OR11A1: variants seen among roughly 807,000 people sequenced by gnomAD.
OR11A1 encodes olfactory receptor family 11 subfamily A member 1, also known as olfactory receptor 11A1.
For missense variants in OR11A1, 380 were observed against 378.2 expected, an observed-to-expected ratio of 1.00 and a Z score of -0.04; for synonymous variants, 158 against 152.2, an observed-to-expected ratio of 1.04 and a Z score of -0.28.
rs146223789 is a variant in OR11A1 at position 29,437,838 on chromosome 6, A to T, written c.-388-5851T>A. On this transcript the variant is annotated intron_variant, in intron 1 of 4. Coordinates refer to ENST00000377149, the MANE Select transcript of OR11A1 (RefSeq NM_001394828.1). ...TCATCTTCAGCCATAACAGGGCTAC[A>T]CTCTGGGAGTAGATGACTGATGAGC... is the stretch of plus-strand genomic sequence containing the variant. Among the ~76,000 whole-genome samples, 746 of 152,356 alleles carry T rather than the reference A, an allele frequency of 4.9e-3. 21 individuals carry two copies. The highest frequency in any genetic ancestry group is 0.043 in the Admixed American group (659 of 15,306).
At chr6:29,456,880 T>C (rs1786394574) in intron 1 of OR11A1, 107 bp downstream of exon 1, 1 of 152,234 alleles carries the variant, frequency 6.6e-6, no homozygotes, top group Non-Finnish European at 1.5e-5. Context: ...AAACTTTTTG[T>C]GAATACATAG....
intron 1 of OR11A1, among the ~76,000 whole-genome samples, chr6:29,452,383 T>C (rs1785515976): frequency 1.3e-5 from 2 of 152,022 alleles, no homozygotes; most frequent in African/African-American, 4.8e-5. Flanking sequence ...ACAAAAAAAT[T>C]GTTCAAAAAA....
chr6:29,445,083 T>C (rs1784600337), intron 1 of OR11A1, among the ~76,000 whole-genome samples: 1 of 152,232 alleles, frequency 6.6e-6, no homozygotes, highest in Non-Finnish European at 1.5e-5. Flanking sequence ...CTTGGCTCAC[T>C]GCAACCTCTG....
At chr6:29,429,691 TGAG>T (rs1783112609) in intron 3 of OR11A1, among the ~76,000 whole-genome samples, 1 of 151,896 alleles carries the variant, frequency 6.6e-6, no homozygotes. Context: ...ACATTGGATG[TGAG>T]GAGGAGAAAG....
chr6:29,432,010 T>A (rs1173227361), intron 1 of OR11A1, 23 bp from the exon 2 acceptor site: 1 of 985,200 alleles, frequency 1.0e-6, no homozygotes, highest in Non-Finnish European at 1.2e-6. Context: ...AGAACATTGA[T>A]TACAAATGTC....
chr6:29,442,324 A>G (rs929762642), intron 1 of OR11A1, among the ~76,000 whole-genome samples: 1 of 152,222 alleles, frequency 6.6e-6, no homozygotes, highest in African/African-American at 2.4e-5. Context: ...GATATGCAGG[A>G]GAGTCAGTGA....
Position 29,436,067 on chromosome 6 carries a change from GC to G in OR11A1, c.-388-4081del, listed in dbSNP as rs1359185978. Among the ~76,000 whole-genome samples, 32 of 152,118 alleles carry G rather than the reference GC, an allele frequency of 2.1e-4. 1 individual carries two copies. Among genetic ancestry groups the G allele is most frequent in the Admixed American group, 2.0e-3 (31 of 15,266 alleles). ...GGATTCAGTATTTGCAAAGTCACCT[GC>G]TCCCTAACATCTATTTTTAACCCCT... On this transcript the variant is annotated intron_variant, in intron 1 of 4. Transcript: ENST00000377149.
intron 1 of OR11A1, chr6:29,439,171 A>C (rs1783886594): frequency 6.6e-6 from 1 of 152,248 alleles, no homozygotes; most frequent in South Asian, 2.1e-4. Context: ...GCATCTGGGA[A>C]TATTAGGCTA....
At chr6:29,440,858 C>A (rs745986170) in intron 1 of OR11A1, 1 of 1,613,834 alleles carries the variant, frequency 6.2e-7, no homozygotes, top group Admixed American at 1.7e-5. Flanking sequence ...CTGTGGTCAC[C>A]CCCATCCTCA....
At position 29,426,513 on chromosome 6, in the gene OR11A1, A is replaced by G; in HGVS notation, c.*181T>C. 1 of 571,718 alleles carries G rather than the reference A, an allele frequency of 1.7e-6. No homozygotes were observed. Among genetic ancestry groups the G allele is most frequent in the Non-Finnish European group, 3.1e-6 (1 of 324,068 alleles). The allele number at this position is 571,718 out of a possible 1,614,324, so 35.4% of individuals were successfully genotyped here. ...ACCTATGTAACAAACCTGCACATGT[A>G]CCCTTGAACTTAAAATAAAAGTTAA... On this transcript the variant is annotated 3_prime_UTR_variant, in exon 5 of 5. Coordinates refer to ENST00000377149, the MANE Select transcript of OR11A1 (RefSeq NM_001394828.1).
chr6:29,444,492 T>A (rs759611262), intron 1 of OR11A1, among the ~76,000 whole-genome samples: 5 of 152,188 alleles, frequency 3.3e-5, no homozygotes, highest in Non-Finnish European at 5.9e-5. Context: ...TTCAATTTCA[T>A]CATCAATAAA....
chr6:29,440,382 G>A (rs1784038206), intron 1 of OR11A1: 2 of 1,613,994 alleles, frequency 1.2e-6, no homozygotes, highest in Admixed American at 1.7e-5. Context: ...TGACCGCTAT[G>A]CAGCCATCTG....
At position 29,431,895 on chromosome 6, in the gene OR11A1, G is replaced by A. The variant is rs1294028307; in HGVS notation, c.-296C>T. On this transcript the variant is annotated 5_prime_UTR_variant, in exon 2 of 5. Coordinates refer to ENST00000377149, the MANE Select transcript of OR11A1 (RefSeq NM_001394828.1). ...TATCGACCCTGTTCTCTAAAGACAG[G>A]ACTGTGAGGAGGAGATGATCTGCTA... The A allele has an allele frequency of 1.0e-6, 1 of 985,190 alleles. No homozygotes were observed. Among genetic ancestry groups the A allele is most frequent in the African/African-American group, 1.7e-5 (1 of 57,196 alleles). The allele number at this position is 985,190 out of a possible 1,614,324, so 61.0% of individuals were successfully genotyped here. A position where few individuals can be genotyped will look rare whatever the true frequency, so the allele number is the denominator to read the frequency against.
At position 29,426,709 on chromosome 6, in the gene OR11A1, A is replaced by G; in HGVS notation, c.933T>C (p.Thr311=). 1 of 1,609,332 alleles carries G rather than the reference A, an allele frequency of 6.2e-7. No individual in the cohort carries two copies. Among genetic ancestry groups the G allele is most frequent in the Non-Finnish European group, 8.5e-7 (1 of 1,177,770 alleles). Residue 311 remains threonine, a synonymous_variant, in exon 5 of 5, where the codon ACT becomes ACC. Coordinates refer to ENST00000377149, the MANE Select transcript of OR11A1 (RefSeq NM_001394828.1). ...TTACTCTCCTTCAATCAAGTGTTTC[A>G]GTTTGTTTGATACAGAGAATCTTCC... is the stretch of plus-strand genomic sequence containing the variant. The part of the protein sequence containing the change: ...ALRKILCIKQ[T]ETLD
At chr6:29,440,979 G>A (rs1784139386) in intron 1 of OR11A1, 1 of 1,457,662 alleles carries the variant, frequency 6.9e-7, no homozygotes, top group Admixed American at 1.7e-5. Flanking sequence ...TGACTTCTGT[G>A]CAGTGCTCTG....
At chr6:29,434,753 A>C (rs1783503236) in intron 1 of OR11A1, among the ~76,000 whole-genome samples, 1 of 152,222 alleles carries the variant, frequency 6.6e-6, no homozygotes, top group Non-Finnish European at 1.5e-5. Context: ...AAAGACAAGG[A>C]TCTGTGGGGA....
At chr6:29,447,312 G>A (rs1257490914) in intron 1 of OR11A1, among the ~76,000 whole-genome samples, 2 of 152,154 alleles carry the variant, frequency 1.3e-5, no homozygotes, top group Non-Finnish European at 2.9e-5. Context: ...ACTTTCTAAA[G>A]CAGCCATTGG....
At position 29,427,303 on chromosome 6, in the gene OR11A1, G is replaced by C; in HGVS notation, c.339C>G (p.Cys113Trp). Residue 113 changes from cysteine to tryptophan, a missense_variant, in exon 5 of 5, where the codon TGC (cysteine) becomes TGG (tryptophan). Cys to Trp is a radical substitution (Grantham distance 215, BLOSUM62 -2). Coordinates refer to ENST00000377149, the MANE Select transcript of OR11A1 (RefSeq NM_001394828.1). ...FIFGSLATAE[C>W]LLLAVMAYDR... ...CATATGCCATGACAGCCAGCAGTAA[G>C]CATTCAGCTGTGGCTAGAGAGCCGA... The C allele has an allele frequency of 6.2e-7, 1 of 1,613,116 alleles. No homozygotes were observed. The highest frequency in any genetic ancestry group is 8.5e-7 in the Non-Finnish European group (1 of 1,180,030).
Position 29,428,901 on chromosome 6 carries a change from G to C in OR11A1, c.-92+12C>G, listed in dbSNP as rs16894903. 41,448 of 945,850 alleles carry C rather than the reference G, an allele frequency of 0.044. 1,258 individuals carry two copies. The highest frequency in any genetic ancestry group is 0.24 in the East Asian group (1,997 of 8,482). 58.6% of individuals were successfully genotyped at this position (945,850 alleles called of 1,614,324 possible). Reference sequence around the variant, plus strand: ...TGACACTTCTAAATATCTGAAAATGGCTCTGTCATACCTGCTGGAAGGTTT... The same window carrying C: ...TGACACTTCTAAATATCTGAAAATGCCTCTGTCATACCTGCTGGAAGGTTT... On this transcript the variant is annotated intron_variant, in intron 4 of 4. Transcript: ENST00000377149.
Sources: allele counts gnomAD v4.1 joint callset (sites outside exome capture counted in the v4.1 genomes callset), GRCh38; gene constraint gnomAD v4.1.1; transcripts MANE v1.5; gene names NCBI Gene and HGNC (gene_info 2026-07-23, HGNC 2026-07-21).